ATP8A1: variants seen among roughly 807,000 people sequenced by gnomAD.
ATP8A1 encodes ATPase phospholipid transporting 8A1.
Under a neutral mutation model 177.7 loss-of-function variants are expected in ATP8A1, and 90 were observed. That is an observed-to-expected ratio of 0.51 (90% CI 0.43 to 0.60). The LOEUF is 0.60. ATP8A1 is among the 20% of genes least tolerant of loss of function. The pLI, the probability that ATP8A1 is intolerant of heterozygous loss-of-function variation, is 0.00. For synonymous variants in ATP8A1, 493 were observed against 485.9 expected (o/e 1.01, Z -0.19); for missense variants, 1,072 against 1,392.8 (o/e 0.77, Z 3.67).
chr4:42,524,421 G>GCT (rs1726466533), intron 21 of ATP8A1, among the ~76,000 whole-genome samples: 3 of 144,898 alleles, frequency 2.1e-5, no homozygotes, highest in Admixed American at 1.4e-4. Flanking sequence ...TAGAATATCT[G>GCT]TTTTTTTTTT....
intron 24 of ATP8A1, among the ~76,000 whole-genome samples, chr4:42,501,085 G>C (rs1723806342): frequency 6.6e-6 from 1 of 151,858 alleles, no homozygotes; most frequent in African/African-American, 2.4e-5. Context: ...TCAGCTTTAG[G>C]AACAATATTT....
At position 42,607,662 on chromosome 4, in the gene ATP8A1, A is replaced by C. The variant is rs866966597; in HGVS notation, c.410-7144T>G. Among the ~76,000 whole-genome samples, 193 of 150,008 alleles carry C rather than the reference A, an allele frequency of 1.3e-3. 1 individual carries two copies. Among genetic ancestry groups the C allele is most frequent in the African/African-American group, 4.3e-3 (173 of 40,636 alleles). The stretch of plus-strand genomic sequence containing the variant: ...TTTTTTTTTTTAATGTATTCATTTC[A>C]GTAGAGAATTAGGTAAACCTCACAT... On this transcript the variant is annotated intron_variant, in intron 5 of 36. Coordinates refer to ENST00000381668, the MANE Select transcript of ATP8A1 (RefSeq NM_006095.2).
At chr4:42,423,776 A>T in intron 33 of ATP8A1, 71 bp from the exon 34 acceptor site, 1 of 1,022,222 alleles carries the variant, frequency 9.8e-7, no homozygotes, top group Non-Finnish European at 1.5e-6. Flanking sequence ...GTTTTTATGT[A>T]TTTTTAAGTG....
intron 24 of ATP8A1, among the ~76,000 whole-genome samples, chr4:42,493,433 G>A (rs188979813): frequency 8.5e-5 from 13 of 152,290 alleles, no homozygotes; most frequent in African/African-American, 2.9e-4. Context: ...ACTTAAGACA[G>A]CAAGAACTCC....
intron 32 of ATP8A1, among the ~76,000 whole-genome samples, chr4:42,444,118 C>G (rs1339481597): frequency 2.0e-5 from 3 of 152,170 alleles, no homozygotes; most frequent in African/African-American, 7.2e-5. Context: ...GGGGTCTCTA[C>G]TGGACGGGGG....
chr4:42,543,953 A>G lies in ATP8A1; in HGVS notation c.1686T>C (p.Thr562=), dbSNP rs753261289. The G allele has an allele frequency of 5.6e-6, 9 of 1,613,130 alleles. No individual in the cohort carries two copies. In the South Asian group the frequency reaches 9.9e-5, roughly 18 times the overall value. Reference sequence around the variant, plus strand: ...AGTAGAGTCGTAACTTTCCAGATGGAGTGCGAACAATCACTGACATTCTTT... The same window carrying G: ...AGTAGAGTCGTAACTTTCCAGATGGGGTGCGAACAATCACTGACATTCTTT... ...ARKRMSVIVR[T]PSGKLRLYCK... Residue 562 remains threonine (T), a synonymous_variant, in exon 20 of 37, where the codon ACT becomes ACC. Transcript: ENST00000381668.
intron 7 of ATP8A1, among the ~76,000 whole-genome samples, chr4:42,590,303 G>C (rs983141369): frequency 6.6e-6 from 1 of 152,136 alleles, no homozygotes; most frequent in Non-Finnish European, 1.5e-5. Context: ...CTTTGTGCAG[G>C]GGGTCCTCTA....
chr4:42,610,982 A>G (rs564062036), intron 5 of ATP8A1, among the ~76,000 whole-genome samples: 16 of 152,320 alleles, frequency 1.1e-4, no homozygotes, highest in Non-Finnish European at 2.1e-4. Context: ...GTCCCTTAGC[A>G]TAATACATCT....
intron 25 of ATP8A1, among the ~76,000 whole-genome samples, chr4:42,481,540 C>T (rs1721672332): frequency 6.6e-6 from 1 of 152,126 alleles, no homozygotes; most frequent in Non-Finnish European, 1.5e-5. Flanking sequence ...GCTTTTATAC[C>T]AATTATACAG....
chr4:42,545,725 G>A (rs548662803), intron 19 of ATP8A1, among the ~76,000 whole-genome samples: 2 of 152,174 alleles, frequency 1.3e-5, no homozygotes, highest in Non-Finnish European at 2.9e-5. Flanking sequence ...TGTAATCCCA[G>A]CACTTTGGGA....
intron 27 of ATP8A1, among the ~76,000 whole-genome samples, chr4:42,461,735 A>G (rs1719181045): frequency 6.6e-6 from 1 of 152,208 alleles, no homozygotes; most frequent in African/African-American, 2.4e-5. Flanking sequence ...GAACTGGGTA[A>G]CAGGCAGAGG....
At chr4:42,572,415 G>A (rs866155816) in intron 14 of ATP8A1, among the ~76,000 whole-genome samples, 2 of 152,192 alleles carry the variant, frequency 1.3e-5, no homozygotes, top group Non-Finnish European at 2.9e-5. Flanking sequence ...CTGTAATTAA[G>A]TAACAGTGTT....
chr4:42,624,294 G>T (rs1737809980), intron 4 of ATP8A1, among the ~76,000 whole-genome samples: 1 of 151,996 alleles, frequency 6.6e-6, no homozygotes, highest in African/African-American at 2.4e-5. Context: ...AATTATTACA[G>T]TAAATTAATT....
intron 24 of ATP8A1, among the ~76,000 whole-genome samples, chr4:42,496,678 C>T (rs887827676): frequency 2.6e-4 from 40 of 152,014 alleles, no homozygotes; most frequent in Admixed American, 2.0e-3. Context: ...GAATCATGAT[C>T]TGCCATATTT....
At chr4:42,433,364 A>G (rs1484327388) in intron 33 of ATP8A1, among the ~76,000 whole-genome samples, 1 of 152,182 alleles carries the variant, frequency 6.6e-6, no homozygotes, top group African/African-American at 2.4e-5. Flanking sequence ...CTCCATGACA[A>G]ACTAGCTCTT....
At position 42,640,197 on chromosome 4, in the gene ATP8A1, T is replaced by C. The variant is rs1049493442; in HGVS notation, c.50-13088A>G. 5.3e-5 allele frequency among the ~76,000 whole-genome samples: 8 copies of C among 152,306 alleles called. No homozygotes were observed. The South Asian group carries it at 1.7e-3, about 32-fold the overall frequency. Reference sequence around the variant, plus strand: ...TTTCAAAGTTCACAGATTTACAAAATGAGATCCACTGCTTCTAAAGGATTT... The same window carrying C: ...TTTCAAAGTTCACAGATTTACAAAACGAGATCCACTGCTTCTAAAGGATTT... On this transcript the variant is annotated intron_variant, in intron 1 of 36. Coordinates refer to ENST00000381668, the MANE Select transcript of ATP8A1 (RefSeq NM_006095.2).
chr4:42,564,952 G>A (rs557495649), intron 15 of ATP8A1, among the ~76,000 whole-genome samples: 3 of 152,200 alleles, frequency 2.0e-5, no homozygotes, highest in South Asian at 2.1e-4. Context: ...TGCTGTTCTC[G>A]TGACAGTGAA....
chr4:42,433,852 G>C (rs1430310228), intron 33 of ATP8A1, among the ~76,000 whole-genome samples: 2 of 106,952 alleles, frequency 1.9e-5, no homozygotes, highest in African/African-American at 7.6e-5. Context: ...TGGCAAGAGA[G>C]TAATAAAAAA....
intron 20 of ATP8A1, among the ~76,000 whole-genome samples, chr4:42,538,841 C>T (rs1728093914): frequency 6.6e-6 from 1 of 152,176 alleles, no homozygotes; most frequent in Admixed American, 6.5e-5. Flanking sequence ...CTATGGAAAA[C>T]AGTGTGGAGA....
Sources: gnomAD v4.1 joint callset for allele counts (sites outside exome capture counted in the v4.1 genomes callset) on GRCh38, gnomAD v4.1.1 for gene constraint, MANE v1.5 for transcripts, NCBI Gene and HGNC (gene_info 2026-07-23, HGNC 2026-07-21) for gene names.